The following MARCHF4 variants were observed in gnomAD, a reference collection of about 807,000 sequenced individuals.
MARCHF4 encodes the protein membrane associated ring-CH-type finger 4.
A neutral mutation model predicts 43.9 loss-of-function variants in MARCHF4; 14 were observed. The observed-to-expected ratio is 0.32, with a 90% CI of 0.21 to 0.50. MARCHF4 has a LOEUF of 0.50. Among genes scored for constraint, MARCHF4 ranks in the 20% least tolerant of loss-of-function variants. The pLI, the probability that MARCHF4 is intolerant of heterozygous loss-of-function variation, is 0.98. For synonymous variants in MARCHF4, 226 were observed against 213.3 expected, an observed-to-expected ratio of 1.06 and a Z score of -0.52; for missense variants, 468 against 536.7, an observed-to-expected ratio of 0.87 and a Z score of 1.27.
At chr2:216,287,633 T>G (rs1188816316) in intron 1 of MARCHF4, among the ~76,000 whole-genome samples, 1 of 96,702 alleles carries the variant, frequency 1.0e-5, no homozygotes, top group African/African-American at 4.2e-5. Flanking sequence ...CACCCGGGAC[T>G]GTTGTGGGGT....
At chr2:216,349,435 A>G (rs927977283) in intron 1 of MARCHF4, among the ~76,000 whole-genome samples, 1 of 152,224 alleles carries the variant, frequency 6.6e-6, no homozygotes, top group Non-Finnish European at 1.5e-5. Flanking sequence ...AACTAGACAC[A>G]TGGAACAAGC....
At chr2:216,336,687 G>T (rs1692160996) in intron 1 of MARCHF4, among the ~76,000 whole-genome samples, 1 of 137,858 alleles carries the variant, frequency 7.3e-6, no homozygotes, top group Non-Finnish European at 1.5e-5. Flanking sequence ...ATTCAGTGTT[G>T]GTAAATTCAC....
At chr2:216,354,975 CTTTCTTTCTTTTT>C (rs1559106739) in intron 1 of MARCHF4, among the ~76,000 whole-genome samples, 132 of 104,506 alleles carry the variant, frequency 1.3e-3, no homozygotes, top group Non-Finnish European at 1.2e-3. Flanking sequence ...TTCTTTCTTT[CTTTCTTTCTTTTT>C]TGAGACAGAG....
intron 3 of MARCHF4, among the ~76,000 whole-genome samples, chr2:216,268,377 C>T (rs1174675051): frequency 2.0e-5 from 3 of 152,180 alleles, no homozygotes; most frequent in Non-Finnish European, 4.4e-5. Flanking sequence ...CCCCGTGTAT[C>T]AAGAAAGGGA....
At chr2:216,290,366 A>G (rs1691290103) in intron 1 of MARCHF4, among the ~76,000 whole-genome samples, 1 of 152,218 alleles carries the variant, frequency 6.6e-6, no homozygotes. Flanking sequence ...CATGCCTGGT[A>G]TGTTCTAGGG....
At chr2:216,297,630 T>C (rs55848363) in intron 1 of MARCHF4, among the ~76,000 whole-genome samples, 17,284 of 152,190 alleles carry the variant, frequency 0.11, 1,721 homozygotes, top group African/African-American at 0.27. Context: ...TCTTTTGCCT[T>C]AGCCTCCCAC....
chr2:216,269,244 GT>G (rs1025515528), intron 3 of MARCHF4, among the ~76,000 whole-genome samples: 1 of 151,912 alleles, frequency 6.6e-6, no homozygotes, highest in Non-Finnish European at 1.5e-5. Context: ...TTAAAAAAAT[GT>G]TTTTTTGGTG....
At chr2:216,317,134 A>G (rs1193244943) in intron 1 of MARCHF4, among the ~76,000 whole-genome samples, 1 of 151,992 alleles carries the variant, frequency 6.6e-6, no homozygotes, top group Non-Finnish European at 1.5e-5. Context: ...CCCCAAAGCC[A>G]TACTCTTTCA....
intron 1 of MARCHF4, among the ~76,000 whole-genome samples, chr2:216,292,584 T>C (rs1691325357): frequency 6.6e-6 from 1 of 152,176 alleles, no homozygotes; most frequent in Non-Finnish European, 1.5e-5. Context: ...GAAAGTACTG[T>C]TTTGTAACAC....
chr2:216,310,668 CT>C (rs1691671790), intron 1 of MARCHF4, among the ~76,000 whole-genome samples: 1 of 152,204 alleles, frequency 6.6e-6, no homozygotes, highest in Non-Finnish European at 1.5e-5. Context: ...GCATGATAAC[CT>C]TCAAAGTAGT....
At chr2:216,347,242 C>T (rs560746535) in intron 1 of MARCHF4, among the ~76,000 whole-genome samples, 24 of 152,116 alleles carry the variant, frequency 1.6e-4, no homozygotes, top group Non-Finnish European at 2.5e-4. Flanking sequence ...AGTCAAAGAA[C>T]GGTGGCATCA....
intron 3 of MARCHF4, among the ~76,000 whole-genome samples, chr2:216,275,028 C>T (rs905994640): frequency 2.6e-5 from 4 of 152,216 alleles, no homozygotes; most frequent in Admixed American, 6.5e-5. Flanking sequence ...TCCAAGCAGT[C>T]ACTGGCTTGT....
intron 1 of MARCHF4, among the ~76,000 whole-genome samples, chr2:216,296,932 C>A (rs1406831830): frequency 6.6e-6 from 1 of 152,156 alleles, no homozygotes; most frequent in African/African-American, 2.4e-5. Context: ...GGTCCTGCGC[C>A]CCTGGGAGAT....
intron 1 of MARCHF4, among the ~76,000 whole-genome samples, chr2:216,308,153 A>G (rs913543207): frequency 9.9e-5 from 15 of 152,072 alleles, no homozygotes; most frequent in Non-Finnish European, 1.5e-4. Flanking sequence ...TATAATCCCA[A>G]CACTTTGGGA....
At chr2:216,275,484 A>G (rs1421838426) in intron 3 of MARCHF4, among the ~76,000 whole-genome samples, 1 of 152,192 alleles carries the variant, frequency 6.6e-6, no homozygotes, top group Non-Finnish European at 1.5e-5. Context: ...CTGGTGCAAG[A>G]CAGCTAATGG....
chr2:216,290,198 T>C (rs1344120191), intron 1 of MARCHF4, among the ~76,000 whole-genome samples: 1 of 151,716 alleles, frequency 6.6e-6, no homozygotes, highest in Non-Finnish European at 1.5e-5. Context: ...AGGGGGTGAG[T>C]TGAAATCCTA....
At position 216,372,449 on chromosome 2, in the gene MARCHF4, T is replaced by C. The variant is rs1692785425; in HGVS notation, c.-2189A>G. Among the ~76,000 whole-genome samples, 1 of 149,004 alleles carries C rather than the reference T, an allele frequency of 6.7e-6. No homozygotes were observed. Among genetic ancestry groups the C allele is most frequent in the African/African-American group, 2.5e-5 (1 of 40,138 alleles). On this transcript the variant is annotated 5_prime_UTR_variant, in exon 1 of 4. Transcript: ENST00000273067. ...GAAAGGGGATGAGAGGAAAAGAAGC[T>C]GGAGGGAGAGGGAGCAAGAGGAGGA...
chr2:216,357,022 CA>C (rs374187959), intron 1 of MARCHF4, among the ~76,000 whole-genome samples: 4,605 of 133,144 alleles, frequency 0.035, 113 homozygotes, highest in African/African-American at 0.079. Flanking sequence ...GACTCTGTCT[CA>C]AAAAAAAAAA....
intron 1 of MARCHF4, among the ~76,000 whole-genome samples, chr2:216,291,193 A>G (rs1691302669): frequency 6.6e-6 from 1 of 152,192 alleles, no homozygotes; most frequent in African/African-American, 2.4e-5. Flanking sequence ...GGGAAGCTCA[A>G]TGAGATGGCA....
Sources: gnomAD v4.1 joint callset for allele counts (sites outside exome capture counted in the v4.1 genomes callset) on GRCh38, gnomAD v4.1.1 for gene constraint, MANE v1.5 for transcripts, NCBI Gene and HGNC (gene_info 2026-07-23, HGNC 2026-07-21) for gene names.